Variants in HOMER2 observed in about 807,000 individuals in gnomAD.
The protein encoded by HOMER2 is homer protein homolog 2.
Under a neutral mutation model 47.0 loss-of-function variants are expected in HOMER2, and 27 were observed. That is an observed-to-expected ratio of 0.57 (90% confidence interval 0.42 to 0.79). The LOEUF (loss-of-function observed/expected upper bound fraction) is 0.79, where lower values mean the gene tolerates loss of function less well. HOMER2 is among the 30% of genes least tolerant of loss of function. The pLI, the probability that HOMER2 is intolerant of heterozygous loss-of-function variation, is 0.00. For missense variants in HOMER2, 443 were observed against 435.0 expected, an observed-to-expected ratio of 1.02 and a Z score of -0.16; for synonymous variants, 161 against 163.8, an observed-to-expected ratio of 0.98 and a Z score of 0.13.
intron 2 of HOMER2, among the ~76,000 whole-genome samples, chr15:82,879,727 G>A (rs1441645332): frequency 6.6e-6 from 1 of 152,172 alleles, no homozygotes; most frequent in Non-Finnish European, 1.5e-5. Context: ...TGGAGTCATT[G>A]TGTCAATTTC....
chr15:82,971,768 GA>G (rs2029996498), intron 1 of HOMER2, among the ~76,000 whole-genome samples: 1 of 151,790 alleles, frequency 6.6e-6, no homozygotes, highest in African/African-American at 2.4e-5. Flanking sequence ...GAACAGAACT[GA>G]TATGGGGGTG....
chr15:82,934,462 G>C (rs2054093014), intron 1 of HOMER2, among the ~76,000 whole-genome samples: 1 of 152,000 alleles, frequency 6.6e-6, no homozygotes, highest in Admixed American at 6.6e-5. Flanking sequence ...TAAAACATGA[G>C]CTGCAGATCC....
intron 5 of HOMER2, among the ~76,000 whole-genome samples, chr15:82,857,814 C>T (rs144810433): frequency 6.6e-6 from 1 of 152,176 alleles, no homozygotes; most frequent in Non-Finnish European, 1.5e-5. Flanking sequence ...AACCCCTACC[C>T]CTGGCCAGCA....
chr15:82,843,730 A>T (rs1028479274), exon 2 of HOMER2: 4 of 152,112 alleles, frequency 2.6e-5, no homozygotes, highest in African/African-American at 7.2e-5. Context: ...TCCCCAGGGT[A>T]ACTCCAGTGT....
intron 4 of HOMER2, among the ~76,000 whole-genome samples, chr15:82,860,976 A>AGAGAGAGAGAGAGAGAGAGAGG (rs2051764499): frequency 6.7e-6 from 1 of 149,536 alleles, no homozygotes; most frequent in Non-Finnish European, 1.5e-5. Flanking sequence ...AGAGAGAGAG[A>AGAGAGAGAGAGAGAGAGAGAGG]GAGAGAAAGC....
chr15:82,960,022 AGGTGCC>A (rs1258107166), intron 1 of HOMER2, among the ~76,000 whole-genome samples: 2 of 152,178 alleles, frequency 1.3e-5, no homozygotes, highest in Non-Finnish European at 2.9e-5. Context: ...CACAACGAGA[AGGTGCC>A]TGTGTGTATA....
chr15:82,960,520 C>T (rs2054621516), intron 1 of HOMER2, among the ~76,000 whole-genome samples: 1 of 152,128 alleles, frequency 6.6e-6, no homozygotes, highest in Non-Finnish European at 1.5e-5. Flanking sequence ...ATCAATTCCC[C>T]TTCAGCATGA....
At chr15:82,948,991 T>C (rs1415653680) in intron 1 of HOMER2, among the ~76,000 whole-genome samples, 1 of 151,676 alleles carries the variant, frequency 6.6e-6, no homozygotes, top group Non-Finnish European at 1.5e-5. Context: ...GGCTATGGGG[T>C]GAGGTGAATG....
downstream of HOMER2, chr15:82,846,437 CAT>C (rs1463129209): frequency 1.3e-5 from 2 of 152,226 alleles, no homozygotes; most frequent in Admixed American, 6.5e-5. Context: ...GCTGTGGACA[CAT>C]ATTGAAATAA....
intron 1 of HOMER2, among the ~76,000 whole-genome samples, chr15:82,895,976 G>GA (rs888975405): frequency 2.6e-5 from 4 of 152,012 alleles, no homozygotes; most frequent in Middle Eastern, 3.4e-3. Flanking sequence ...ATCTAAAAAA[G>GA]AAAAAAAGAA....
exon 2 of HOMER2, chr15:82,840,979 A>G (rs896654578): frequency 5.3e-5 from 8 of 152,160 alleles, no homozygotes; most frequent in African/African-American, 1.7e-4. Context: ...AGAAGTTAAC[A>G]AACACCAATA....
chr15:82,914,697 T>G (rs2053538436), intron 1 of HOMER2, among the ~76,000 whole-genome samples: 1 of 152,138 alleles, frequency 6.6e-6, no homozygotes, highest in Admixed American at 6.5e-5. Flanking sequence ...TTACAAATGA[T>G]TTAGGTGGTA....
At position 82,952,522 on chromosome 15, in the gene HOMER2, C is replaced by G. The variant is rs1337389433; in HGVS notation, c.5+9G>C. ...GCGCGCGGAGAGCGCGCGGCGCGGG[C>G]TCACTCACCCCATCTCCGGCGCTGC... On this transcript the variant is annotated intron_variant, in intron 1 of 8. Transcript: ENST00000450735. 8.4e-7 allele frequency: 1 copy of G among 1,188,448 alleles called. No individual in the cohort carries two copies. The highest frequency in any genetic ancestry group is 1.6e-5 in the African/African-American group (1 of 62,700). 73.6% of individuals were successfully genotyped at this position (1,188,448 alleles called of 1,614,324 possible).
chr15:82,892,584 A>T, intron 2 of HOMER2, 101 bp downstream of exon 2: 1 of 897,408 alleles, frequency 1.1e-6, no homozygotes, highest in Non-Finnish European at 1.6e-6. Flanking sequence ...TTATACAGAC[A>T]TTATAACAAT....
intron 1 of HOMER2, among the ~76,000 whole-genome samples, chr15:82,911,144 C>T (rs754858683): frequency 5.3e-5 from 8 of 152,158 alleles, no homozygotes; most frequent in Non-Finnish European, 1.2e-4. Context: ...GACAGCTCAA[C>T]CCTCCCATAG....
chr15:82,919,646 C>A (rs1454187033), intron 1 of HOMER2, among the ~76,000 whole-genome samples: 3 of 152,166 alleles, frequency 2.0e-5, no homozygotes, highest in Non-Finnish European at 4.4e-5. Flanking sequence ...AATAAATTAA[C>A]ACAATAGAGT....
chr15:82,978,154 T>A (rs539158982), intron 1 of HOMER2, among the ~76,000 whole-genome samples: 4 of 151,924 alleles, frequency 2.6e-5, no homozygotes, highest in Non-Finnish European at 2.9e-5. Context: ...CATATTGAAA[T>A]AAACAAACAA....
intron 1 of HOMER2, among the ~76,000 whole-genome samples, chr15:82,899,667 T>C (rs953880719): frequency 7.2e-5 from 11 of 152,128 alleles, no homozygotes; most frequent in Admixed American, 1.3e-4. Context: ...GGTGGCTAGG[T>C]ATAAAATCAC....
intron 1 of HOMER2, among the ~76,000 whole-genome samples, chr15:82,896,875 AAGG>A (rs375769735): frequency 6.8e-4 from 103 of 152,270 alleles, no homozygotes; most frequent in Middle Eastern, 3.4e-3. Flanking sequence ...AAAGAAAGGC[AAGG>A]AGAAGAAAAG....
Sources: gnomAD v4.1 joint callset for allele counts (sites outside exome capture counted in the v4.1 genomes callset) on GRCh38, gnomAD v4.1.1 for gene constraint, MANE v1.5 for transcripts, NCBI Gene and HGNC (gene_info 2026-07-23, HGNC 2026-07-21) for gene names.